The following ERI3 variants were observed in gnomAD, a reference collection of about 807,000 sequenced individuals.
The protein encoded by ERI3 is ERI1 exoribonuclease family member 3, also known as ERI1 exoribonuclease 3.
A neutral mutation model predicts 44.4 loss-of-function variants in ERI3; 18 were observed. The observed-to-expected ratio is 0.41, with a 90% CI of 0.28 to 0.60. ERI3 has a LOEUF of 0.60. ERI3 is among the 20% of genes least tolerant of loss of function. The pLI, the probability that ERI3 is intolerant of heterozygous loss-of-function variation, is 0.36. For synonymous variants in ERI3, 183 were observed against 164.8 expected, an observed-to-expected ratio of 1.11 and a Z score of -0.84; for missense variants, 294 against 435.5, an observed-to-expected ratio of 0.68 and a Z score of 2.89.
intron 8 of ERI3, 78 bp downstream of exon 8, chr1:44,247,861 T>C (rs1644587540): frequency 1.7e-6 from 2 of 1,173,708 alleles, no homozygotes; most frequent in Non-Finnish European, 1.2e-6. Context: ...ATGGAAACTC[T>C]CTATGTGCCT....
chr1:44,353,825 A>C, intron 1 of ERI3: 3 of 985,362 alleles, frequency 3.0e-6, no homozygotes, highest in Non-Finnish European at 3.6e-6. Flanking sequence ...GCTCCAGTGA[A>C]GCACCACAGA....
rs141517178 is a variant in ERI3 at position 44,339,220 on chromosome 1, T to C, written c.314A>G (p.His105Arg). 487 of 1,613,568 alleles carry C rather than the reference T, an allele frequency of 3.0e-4. 1 individual carries two copies. Among genetic ancestry groups the C allele is most frequent in the Non-Finnish European group, 3.1e-4 (367 of 1,179,928 alleles). Residue 105 changes from histidine to arginine, a missense_variant, in exon 3 of 9, where the codon CAC (histidine) becomes CGC (arginine). Around this residue, in one of 2 missense-constraint regions of ERI3, gnomAD observed 187 missense variants for 338.6 expected, o/e 0.55. Transcript: ENST00000372257. ...CGGAACACCACAGGGAGAAAATAAG[T>C]GGGAGCCCAGCACTTTTCTTGCTCT... ...LSRARKVLGS[H>R]LFSPCGVPEF...
chr1:44,294,677 G>A (rs1435964665), intron 6 of ERI3, among the ~76,000 whole-genome samples: 1 of 152,262 alleles, frequency 6.6e-6, no homozygotes, highest in Non-Finnish European at 1.5e-5. Context: ...AGCCCCAGTA[G>A]GGAGTGGCTA....
rs1644704067 is a variant in ERI3, at chr1:44,252,569, G to GA, written c.832-4532dup. ...ATTACATTGCTGGGCCCGCGAAATG[G>GA]AATCGTGTATAATCAGCCTCCTCCA... On this transcript the variant is annotated intron_variant, in intron 7 of 8. Coordinates refer to ENST00000372257, the MANE Select transcript of ERI3 (RefSeq NM_024066.3). This position sits in a 1 kb window ranked among gnomAD's most constrained non-coding sequence, Gnocchi z 4.7. 6.6e-6 allele frequency among the ~76,000 whole-genome samples: 1 copy of GA among 152,354 alleles called. No individual in the cohort carries two copies. Among genetic ancestry groups the GA allele is most frequent in the African/African-American group, 2.4e-5 (1 of 41,582 alleles).
intron 7 of ERI3, among the ~76,000 whole-genome samples, chr1:44,273,393 T>C (rs1645124160): frequency 6.6e-6 from 1 of 152,238 alleles, no homozygotes; most frequent in Admixed American, 6.5e-5. Context: ...GTTCAAATGC[T>C]AGCTTCACCT....
chr1:44,335,392 T>G (rs564645949), intron 3 of ERI3, among the ~76,000 whole-genome samples: 1 of 148,132 alleles, frequency 6.8e-6, no homozygotes, highest in Admixed American at 6.8e-5. Context: ...AAAAGGGAGC[T>G]GGTCAGGAGA....
chr1:44,333,566 T>C (rs1253962513), intron 3 of ERI3, among the ~76,000 whole-genome samples: 5 of 152,140 alleles, frequency 3.3e-5, no homozygotes, highest in Non-Finnish European at 5.9e-5. Flanking sequence ...AAGCTAAACA[T>C]GGGGCAAAGA....
chr1:44,355,134 C>A lies in ERI3; in HGVS notation c.-108G>T, dbSNP rs112744966. 3.0e-3 allele frequency: 3,668 copies of A among 1,227,686 alleles called. 9 individuals carry two copies. The highest frequency in any genetic ancestry group is 3.3e-3 in the Non-Finnish European group (3,194 of 980,498). 76.0% of individuals were successfully genotyped at this position (1,227,686 alleles called of 1,614,324 possible). A position where few individuals can be genotyped will look rare whatever the true frequency, so the allele number is the denominator to read the frequency against. On this transcript the variant is annotated 5_prime_UTR_variant, in exon 1 of 9. Coordinates refer to ENST00000372257, the MANE Select transcript of ERI3 (RefSeq NM_024066.3). Reference sequence around the variant, plus strand: ...TCAGGGCAGTTGGCGGCGGCGGGCGCGGCCCGCGCCGACTGCGGCGCCGGC... The same window carrying A: ...TCAGGGCAGTTGGCGGCGGCGGGCGAGGCCCGCGCCGACTGCGGCGCCGGC...
intron 2 of ERI3, among the ~76,000 whole-genome samples, chr1:44,341,562 C>T (rs1646653314): frequency 6.6e-6 from 1 of 152,130 alleles, no homozygotes. Flanking sequence ...GCCTGCAGGC[C>T]TTGCTTTCTC....
intron 3 of ERI3, among the ~76,000 whole-genome samples, chr1:44,328,849 G>A (rs1464654742): frequency 6.6e-6 from 1 of 152,142 alleles, no homozygotes; most frequent in Non-Finnish European, 1.5e-5. Flanking sequence ...AAGCACCCGA[G>A]TCAAGCCCTC....
At chr1:44,233,618 G>A (rs1311308673) in intron 8 of ERI3, among the ~76,000 whole-genome samples, 1 of 152,108 alleles carries the variant, frequency 6.6e-6, no homozygotes, top group Non-Finnish European at 1.5e-5. Context: ...CAGCTGGGTA[G>A]GGTCCAACCC....
At chr1:44,327,470 T>C (rs1646339837) in intron 3 of ERI3, among the ~76,000 whole-genome samples, 1 of 152,232 alleles carries the variant, frequency 6.6e-6, no homozygotes. Flanking sequence ...TTTTGAGCAC[T>C]TAATATGTTT....
At chr1:44,302,213 C>T (rs1301324642) in intron 6 of ERI3, among the ~76,000 whole-genome samples, 2 of 152,244 alleles carry the variant, frequency 1.3e-5, no homozygotes, top group African/African-American at 2.4e-5. Context: ...CTTTCCTTCC[C>T]TACTCAGAAA....
At chr1:44,261,919 T>C (rs1457835312) in intron 7 of ERI3, among the ~76,000 whole-genome samples, 1 of 152,168 alleles carries the variant, frequency 6.6e-6, no homozygotes, top group African/African-American at 2.4e-5. Context: ...GCTGTTCTCC[T>C]AACCTAAAAC....
intron 5 of ERI3, 59 bp downstream of exon 5, chr1:44,313,110 G>A (rs1223581640): frequency 1.4e-6 from 2 of 1,410,074 alleles, no homozygotes; most frequent in Non-Finnish European, 2.0e-6. Context: ...CAGGAGGGGA[G>A]GGAGAGAAAG....
In ERI3 at chr1:44,342,812, A is replaced by T. The variant is rs755806698; in HGVS notation, c.212-3490T>A. Reference sequence around the variant, plus strand: ...CAGGCATGTGCCACCACATCCAGCTAATATATATATATATATATATATATA... The same window carrying T: ...CAGGCATGTGCCACCACATCCAGCTTATATATATATATATATATATATATA... On this transcript the variant is annotated intron_variant, in intron 2 of 8. Transcript: ENST00000372257. 5.3e-3 allele frequency among the ~76,000 whole-genome samples: 163 copies of T among 30,924 alleles called. 2 individuals are homozygous for T. The highest frequency in any genetic ancestry group is 0.031 in the Middle Eastern group (1 of 32). The allele number at this position is 30,924 out of a possible 152,430, so 20.3% of individuals were successfully genotyped here.
At chr1:44,352,981 C>T (rs1646927162) in intron 1 of ERI3, 56 bp from the exon 2 acceptor site, 1 of 1,610,726 alleles carries the variant, frequency 6.2e-7, no homozygotes, top group Non-Finnish European at 8.5e-7. Flanking sequence ...AGGATCAAAT[C>T]CCCATGAAGG....
intron 7 of ERI3, among the ~76,000 whole-genome samples, chr1:44,273,997 G>A (rs901007339): frequency 4.6e-5 from 7 of 152,168 alleles, no homozygotes; most frequent in Non-Finnish European, 1.0e-4. Flanking sequence ...AAAAGATGGA[G>A]CAGAGCCTTC....
At chr1:44,345,195 T>C (rs893669784) in intron 2 of ERI3, among the ~76,000 whole-genome samples, 1 of 152,198 alleles carries the variant, frequency 6.6e-6, no homozygotes, top group Admixed American at 6.5e-5. Flanking sequence ...ATAGACATTT[T>C]ATAGCCTCCA....
Sources: allele counts gnomAD v4.1 joint callset (sites outside exome capture counted in the v4.1 genomes callset), GRCh38; gene constraint gnomAD v4.1.1; regional missense constraint gnomAD v4.1.1; non-coding constraint Gnocchi (gnomAD v3.1); transcripts MANE v1.5; gene names NCBI Gene and HGNC (gene_info 2026-07-23, HGNC 2026-07-21).